Variants in TBC1D5 observed in about 807,000 individuals in gnomAD.
TBC1D5 encodes TBC1 domain family member 5, also known as TBC1 domain family, member 5.
Under a neutral mutation model 100.3 loss-of-function variants are expected in TBC1D5, and 75 were observed. The observed-to-expected ratio is 0.75, with a 90% CI of 0.62 to 0.91. The LOEUF (loss-of-function observed/expected upper bound fraction) is 0.91, where lower values mean the gene tolerates loss of function less well. TBC1D5 is among the 40% of genes least tolerant of loss of function. The pLI is 0.00. For missense variants in TBC1D5, 910 were observed against 942.4 expected (o/e 0.97, Z 0.45); for synonymous variants, 323 against 325.6 (o/e 0.99, Z 0.09).
intron 15 of TBC1D5, among the ~76,000 whole-genome samples, chr3:17,266,143 A>G (rs2078823299): frequency 6.6e-6 from 1 of 152,150 alleles, no homozygotes; most frequent in East Asian, 1.9e-4. Flanking sequence ...TTAAAGCTGG[A>G]AAAATTTGTG....
chr3:17,474,442 T>A (rs781036731), intron 3 of TBC1D5, among the ~76,000 whole-genome samples: 13 of 152,148 alleles, frequency 8.5e-5, no homozygotes, highest in South Asian at 2.1e-4. Flanking sequence ...ATTATGTGAT[T>A]TATTATAAGT....
chr3:17,326,311 T>C (rs868681574), intron 13 of TBC1D5, among the ~76,000 whole-genome samples: 1 of 152,220 alleles, frequency 6.6e-6, no homozygotes, highest in Admixed American at 6.5e-5. Flanking sequence ...CATTCTGGTC[T>C]TCTTCAATGT....
intron 2 of TBC1D5, among the ~76,000 whole-genome samples, chr3:17,601,861 G>A (rs1269845100): frequency 6.6e-6 from 1 of 151,782 alleles, no homozygotes; most frequent in Non-Finnish European, 1.5e-5. Flanking sequence ...ACCGAGTCTC[G>A]CTCTGTTGCC....
At chr3:17,177,063 T>C (rs1395593396) in intron 19 of TBC1D5, among the ~76,000 whole-genome samples, 3 of 152,170 alleles carry the variant, frequency 2.0e-5, no homozygotes, top group Non-Finnish European at 2.9e-5. Context: ...CTAATACACT[T>C]TGAAGTCAGA....
At chr3:17,444,971 G>T (rs1170770432) in intron 3 of TBC1D5, among the ~76,000 whole-genome samples, 1 of 152,138 alleles carries the variant, frequency 6.6e-6, no homozygotes, top group Admixed American at 6.5e-5. Flanking sequence ...AACTGTCCAT[G>T]TGAGAAATAA....
At chr3:17,703,809 T>C (rs2073546745) in intron 1 of TBC1D5, among the ~76,000 whole-genome samples, 1 of 152,164 alleles carries the variant, frequency 6.6e-6, no homozygotes, top group Admixed American at 6.5e-5. Context: ...ACATTAAGTA[T>C]ATGATCTTAA....
At chr3:17,389,452 C>T (rs2093283085) in intron 8 of TBC1D5, among the ~76,000 whole-genome samples, 1 of 152,090 alleles carries the variant, frequency 6.6e-6, no homozygotes. Context: ...GGTGGTGGAA[C>T]ACAGCTTCTG....
intron 14 of TBC1D5, among the ~76,000 whole-genome samples, chr3:17,293,275 A>T (rs951672021): frequency 2.6e-5 from 4 of 152,218 alleles, no homozygotes; most frequent in Non-Finnish European, 5.9e-5. Context: ...AAGCTAAGAT[A>T]CTGAGAACAG....
exon 18 of TBC1D5, chr3:17,214,327 A>C (rs1559422847): frequency 6.2e-7 from 1 of 1,613,154 alleles, no homozygotes; most frequent in Non-Finnish European, 8.5e-7. Flanking sequence ...CTCCAGGCAA[A>C]CTCTCAACGC....
chr3:17,588,561 T>C (rs2096747123), intron 2 of TBC1D5, among the ~76,000 whole-genome samples: 1 of 152,180 alleles, frequency 6.6e-6, no homozygotes, highest in Non-Finnish European at 1.5e-5. Context: ...TTTCCTAATT[T>C]TTTTCCTAAT....
rs188083523 is a variant in TBC1D5 at position 17,688,841 on chromosome 3, T to G, written c.-101+50502A>C. ...CTTCCACTTTCTATATTTCTCAGCCTATTTTTAAAATTTCTACCCTACTGT... is the reference window on the plus strand; with the variant it reads ...CTTCCACTTTCTATATTTCTCAGCCGATTTTTAAAATTTCTACCCTACTGT... On this transcript the variant is annotated intron_variant, in intron 1 of 21. Coordinates refer to ENST00000253692, the Ensembl canonical transcript of TBC1D5. Among the ~76,000 whole-genome samples, 4 of 152,354 alleles carry G rather than the reference T, an allele frequency of 2.6e-5. No individual in the cohort carries two copies. In the East Asian group the frequency reaches 7.7e-4, roughly 29 times the overall value.
intron 1 of TBC1D5, among the ~76,000 whole-genome samples, chr3:17,655,566 T>C (rs1315898640): frequency 6.6e-6 from 1 of 152,114 alleles, no homozygotes; most frequent in Non-Finnish European, 1.5e-5. Context: ...AAATACTATA[T>C]ATAACCATAA....
At chr3:17,513,980 T>C (rs2095948589) in intron 2 of TBC1D5, among the ~76,000 whole-genome samples, 1 of 152,056 alleles carries the variant, frequency 6.6e-6, no homozygotes, top group Admixed American at 6.5e-5. Context: ...ATTCAATGAT[T>C]GGAAGTAACA....
intron 13 of TBC1D5, chr3:17,340,617 A>G (rs1401087184): frequency 1.3e-5 from 2 of 152,144 alleles, no homozygotes; most frequent in Admixed American, 1.3e-4. Context: ...GTAACTTAAC[A>G]AAAGTATTTA....
At chr3:17,215,360 T>A (rs2073508544) in intron 17 of TBC1D5, among the ~76,000 whole-genome samples, 1 of 152,092 alleles carries the variant, frequency 6.6e-6, no homozygotes, top group South Asian at 2.1e-4. Flanking sequence ...ATGAACCCAT[T>A]ATGAGTATGA....
At chr3:17,301,418 T>C (rs1316457827) in intron 14 of TBC1D5, among the ~76,000 whole-genome samples, 1 of 152,234 alleles carries the variant, frequency 6.6e-6, no homozygotes, top group African/African-American at 2.4e-5. Flanking sequence ...GACTAGCACT[T>C]GTCTTCTTAG....
chr3:17,287,486 G>T (rs1284946917), intron 15 of TBC1D5, among the ~76,000 whole-genome samples: 1 of 152,196 alleles, frequency 6.6e-6, no homozygotes, highest in African/African-American at 2.4e-5. Context: ...TGAATAGATA[G>T]AACAGTCATG....
chr3:17,503,085 G>C lies in TBC1D5; in HGVS notation c.97+5389C>G, dbSNP rs532956701. 5.4e-4 allele frequency among the ~76,000 whole-genome samples: 80 copies of C among 149,522 alleles called. 11 individuals carry two copies. Among genetic ancestry groups the C allele is most frequent in the African/African-American group, 1.9e-3 (75 of 39,422 alleles). On this transcript the variant is annotated intron_variant, in intron 3 of 21. Coordinates refer to ENST00000253692, the Ensembl canonical transcript of TBC1D5. ...AATAATCTTTGTAAAATGCAAATCT[G>C]ACCACAAGATCCTTTCACTGAAATA...
At chr3:17,207,254 TA>T (rs34778880) in intron 18 of TBC1D5, among the ~76,000 whole-genome samples, 1 of 152,146 alleles carries the variant, frequency 6.6e-6, no homozygotes, top group Non-Finnish European at 1.5e-5. Flanking sequence ...CTAACAGTGC[TA>T]AAAAAAGTAA....
Sources: allele counts gnomAD v4.1 joint callset (sites outside exome capture counted in the v4.1 genomes callset), GRCh38; gene constraint gnomAD v4.1.1; transcripts MANE v1.5; gene names NCBI Gene and HGNC (gene_info 2026-07-23, HGNC 2026-07-21).